The following ELMO1 variants were observed in gnomAD, a reference collection of about 807,000 sequenced individuals.
ELMO1 encodes engulfment and cell motility 1, also known as engulfment and cell motility protein 1.
ELMO1 carries 26 observed loss-of-function variants against 98.9 expected under a neutral mutation model. That is an observed-to-expected ratio of 0.26 (90% CI 0.19 to 0.36). The LOEUF (loss-of-function observed/expected upper bound fraction) is 0.36, where lower values mean the gene tolerates loss of function less well. Among genes scored for constraint, ELMO1 ranks in the 10% least tolerant of loss-of-function variants. The pLI is 1.00. For synonymous variants in ELMO1, 346 were observed against 346.0 expected (o/e 1.00, Z 0.00); for missense variants, 627 against 935.2 (o/e 0.67, Z 4.30).
chr7:37,246,780 A>C (rs1437894403), intron 6 of ELMO1, among the ~76,000 whole-genome samples: 1 of 152,102 alleles, frequency 6.6e-6, no homozygotes, highest in East Asian at 1.9e-4. Context: ...AGACAGATAG[A>C]TAGATAGATA....
chr7:37,303,793 G>A (rs903660299), intron 4 of ELMO1, among the ~76,000 whole-genome samples: 2 of 152,172 alleles, frequency 1.3e-5, no homozygotes, highest in African/African-American at 4.8e-5. Context: ...GAATGATCAT[G>A]ACCTCTGGCA....
chr7:37,336,120 G>A (rs998732794), intron 2 of ELMO1, among the ~76,000 whole-genome samples: 4 of 151,976 alleles, frequency 2.6e-5, no homozygotes, highest in Admixed American at 1.3e-4. Flanking sequence ...TCAGCTACTC[G>A]AGAGGCTGAG....
At chr7:37,157,658 A>T (rs1365710331) in intron 13 of ELMO1, among the ~76,000 whole-genome samples, 2 of 152,130 alleles carry the variant, frequency 1.3e-5, no homozygotes, top group Admixed American at 6.5e-5. Context: ...AAAATAAAAG[A>T]GGACAGAAAT....
At chr7:37,256,474 A>G (rs1467119765) in intron 6 of ELMO1, among the ~76,000 whole-genome samples, 1 of 150,338 alleles carries the variant, frequency 6.7e-6, no homozygotes, top group Admixed American at 6.6e-5. Flanking sequence ...TGCAGAGGCC[A>G]GATGATGCCA....
At chr7:37,223,080 A>C (rs937643157) in intron 9 of ELMO1, among the ~76,000 whole-genome samples, 7 of 152,254 alleles carry the variant, frequency 4.6e-5, no homozygotes, top group Non-Finnish European at 1.0e-4. Context: ...TACATGAAAT[A>C]TATCAGGGAG....
rs553878814 is a variant in ELMO1 at position 37,159,532 on chromosome 7, C to T, written c.1087-26298G>A. Reference sequence around the variant, plus strand: ...CCTGGCCAACATGGCAAAACTCCGTCTCTACTAAAATACAAAAATTAGCCA... The same window carrying T: ...CCTGGCCAACATGGCAAAACTCCGTTTCTACTAAAATACAAAAATTAGCCA... On this transcript the variant is annotated intron_variant, in intron 13 of 21. Coordinates refer to ENST00000310758, the MANE Select transcript of ELMO1 (RefSeq NM_014800.11). Among the ~76,000 whole-genome samples, 12 of 152,152 alleles carry T rather than the reference C, an allele frequency of 7.9e-5. No homozygotes were observed. The South Asian group carries it at 2.5e-3, about 32-fold the overall frequency.
chr7:37,040,126 T>C (rs918439132), intron 15 of ELMO1, among the ~76,000 whole-genome samples: 3 of 149,666 alleles, frequency 2.0e-5, no homozygotes, highest in Admixed American at 6.6e-5. Context: ...TTTAAAATTT[T>C]ACTTATTTCT....
chr7:37,100,231 G>C (rs1156646196), intron 14 of ELMO1, among the ~76,000 whole-genome samples: 3 of 152,194 alleles, frequency 2.0e-5, no homozygotes, highest in Non-Finnish European at 2.9e-5. Context: ...TATAAGCCCT[G>C]TTCCTCCTAG....
intron 13 of ELMO1, chr7:37,204,359 G>T: frequency 2.5e-6 from 1 of 397,314 alleles, no homozygotes; most frequent in South Asian, 1.9e-5. Flanking sequence ...GAGTGAAGCT[G>T]CAGACCTTCG....
chr7:37,420,575 G>C lies in ELMO1; in HGVS notation c.-74+28100C>G, dbSNP rs114354386. On this transcript the variant is annotated intron_variant, in intron 1 of 21. Coordinates refer to ENST00000310758, the MANE Select transcript of ELMO1 (RefSeq NM_014800.11). ...TAAACTACATTGCCTGGCCTTTCCT[G>C]CGTGTGCCACAGCTGGGATTAGGTT... 3.1e-3 allele frequency among the ~76,000 whole-genome samples: 471 copies of C among 152,322 alleles called. 3 individuals carry two copies. The highest frequency in any genetic ancestry group is 0.011 in the African/African-American group (448 of 41,576).
intron 19 of ELMO1, among the ~76,000 whole-genome samples, chr7:36,875,657 T>G (rs1381120483): frequency 1.3e-5 from 2 of 152,156 alleles, no homozygotes; most frequent in East Asian, 1.9e-4. Context: ...CTTGCTCTCC[T>G]GCACTCACCC....
chr7:36,940,343 C>A (rs1370187269), intron 16 of ELMO1, among the ~76,000 whole-genome samples: 1 of 152,168 alleles, frequency 6.6e-6, no homozygotes, highest in Non-Finnish European at 1.5e-5. Flanking sequence ...GTATTCAAGT[C>A]TTTCATTCCT....
chr7:36,931,363 G>A (rs1786023109), intron 16 of ELMO1, among the ~76,000 whole-genome samples: 1 of 152,234 alleles, frequency 6.6e-6, no homozygotes, highest in Non-Finnish European at 1.5e-5. Context: ...ACTTTGGGAA[G>A]CTGAGGCGGG....
At chr7:37,013,915 G>T (rs1249564227) in intron 15 of ELMO1, among the ~76,000 whole-genome samples, 18 of 152,158 alleles carry the variant, frequency 1.2e-4, no homozygotes, top group Non-Finnish European at 4.4e-5. Flanking sequence ...TTCTCCAGGA[G>T]GCTCTTTTCT....
chr7:36,982,282 A>C (rs750266357), intron 16 of ELMO1, among the ~76,000 whole-genome samples: 1 of 152,246 alleles, frequency 6.6e-6, no homozygotes, highest in East Asian at 1.9e-4. Flanking sequence ...AATGTAAAAC[A>C]CATGTCATAT....
At chr7:37,049,718 T>G (rs1795995011) in intron 15 of ELMO1, among the ~76,000 whole-genome samples, 1 of 151,952 alleles carries the variant, frequency 6.6e-6, no homozygotes, top group Non-Finnish European at 1.5e-5. Context: ...TCCAGGTGTT[T>G]GAGAGCTGTA....
At position 37,211,397 on chromosome 7, in the gene ELMO1, G is replaced by A. The variant is rs752764112; in HGVS notation, c.1075C>T (p.Leu359Phe). The part of the protein sequence containing the change: ...KSMYTRDYKK[L>F]GFINHVNPAM... Reference sequence around the variant, plus strand: ...GATAGCTTACTTACAATGAACCCAAGCTTCTTATAATCTCGCGTGTACATG... The same window carrying A: ...GATAGCTTACTTACAATGAACCCAAACTTCTTATAATCTCGCGTGTACATG... Residue 359 changes from leucine to phenylalanine, a missense_variant, in exon 13 of 22, where the codon CTT (leucine) becomes TTT (phenylalanine). Physicochemically the swap from Leu to Phe is conservative, Grantham distance 22. Coordinates refer to ENST00000310758, the MANE Select transcript of ELMO1 (RefSeq NM_014800.11). 3 of 1,614,012 alleles carry A rather than the reference G, an allele frequency of 1.9e-6. No individual in the cohort carries two copies. Among genetic ancestry groups the A allele is most frequent in the South Asian group, 1.1e-5 (1 of 91,086 alleles).
At chr7:37,369,046 A>G (rs1208505509) in intron 1 of ELMO1, among the ~76,000 whole-genome samples, 1 of 152,210 alleles carries the variant, frequency 6.6e-6, no homozygotes, top group Admixed American at 6.5e-5. Context: ...AAAGTTATTG[A>G]AAAACATTAA....
At chr7:37,138,119 T>G (rs111506811) in intron 13 of ELMO1, among the ~76,000 whole-genome samples, 15,599 of 151,992 alleles carry the variant, frequency 0.1, 841 homozygotes, top group Middle Eastern at 0.15. Flanking sequence ...AATGCCTACA[T>G]CGGAAGTCTG....
Sources: allele counts gnomAD v4.1 joint callset (sites outside exome capture counted in the v4.1 genomes callset), GRCh38; gene constraint gnomAD v4.1.1; transcripts MANE v1.5; gene names NCBI Gene and HGNC (gene_info 2026-07-23, HGNC 2026-07-21).